Variants in CTNNA2 observed in about 807,000 individuals in gnomAD.
CTNNA2 encodes the protein catenin alpha 2, also known as catenin alpha-2.
A neutral mutation model predicts 101.0 loss-of-function variants in CTNNA2; 42 were observed. The ratio of observed to expected loss-of-function variants is 0.42; its 90% CI spans 0.32 to 0.54. The LOEUF (loss-of-function observed/expected upper bound fraction) is 0.54. Among genes scored for constraint, CTNNA2 ranks in the 20% least tolerant of loss-of-function variants. The pLI is 0.14. For synonymous variants in CTNNA2, 450 were observed against 456.4 expected, an observed-to-expected ratio of 0.99 and a Z score of 0.18; for missense variants, 871 against 1,223.1, an observed-to-expected ratio of 0.71 and a Z score of 4.29.
chr2:80,201,654 C>T (rs369468884), intron 7 of CTNNA2, among the ~76,000 whole-genome samples: 235 of 152,162 alleles, frequency 1.5e-3, no homozygotes, highest in African/African-American at 5.2e-3. Flanking sequence ...GGATTACAGG[C>T]GTGAGCCACC....
At chr2:80,064,858 G>A (rs1697863635) in intron 7 of CTNNA2, among the ~76,000 whole-genome samples, 1 of 152,200 alleles carries the variant, frequency 6.6e-6, no homozygotes, top group Non-Finnish European at 1.5e-5. Flanking sequence ...TTAATGGAAA[G>A]CATGGTAAAG....
intron 7 of CTNNA2, among the ~76,000 whole-genome samples, chr2:80,140,569 C>A (rs1303568960): frequency 1.3e-5 from 2 of 152,104 alleles, no homozygotes; most frequent in African/African-American, 4.8e-5. Context: ...TGCTCCAACC[C>A]CACCAGGAGG....
chr2:80,489,009 T>C (rs919524473), intron 9 of CTNNA2, among the ~76,000 whole-genome samples: 2 of 152,196 alleles, frequency 1.3e-5, no homozygotes, highest in South Asian at 4.1e-4. Context: ...GAAGGGCATT[T>C]ATGCAGAGTT....
At chr2:80,422,084 T>G (rs979547642) in intron 9 of CTNNA2, among the ~76,000 whole-genome samples, 3 of 152,208 alleles carry the variant, frequency 2.0e-5, no homozygotes, top group Non-Finnish European at 4.4e-5. Context: ...TAAAGACATA[T>G]CATATGCAAG....
intron 18 of CTNNA2, among the ~76,000 whole-genome samples, chr2:80,636,931 T>C (rs934203277): frequency 1.1e-4 from 17 of 152,186 alleles, no homozygotes; most frequent in African/African-American, 4.1e-4. Context: ...GATTCAGTAG[T>C]GCTAGAAAAG....
chr2:80,517,400 A>C (rs1473065536), intron 9 of CTNNA2, among the ~76,000 whole-genome samples: 1 of 152,194 alleles, frequency 6.6e-6, no homozygotes, highest in Non-Finnish European at 1.5e-5. Context: ...CTTCCCACCA[A>C]GAATTTGCCT....
At chr2:79,725,806 A>C (rs1379033633) in intron 2 of CTNNA2, among the ~76,000 whole-genome samples, 1 of 152,188 alleles carries the variant, frequency 6.6e-6, no homozygotes, top group Non-Finnish European at 1.5e-5. Context: ...GATCATTTAT[A>C]ATCCCTCTTT....
intron 7 of CTNNA2, among the ~76,000 whole-genome samples, chr2:80,155,143 G>GA (rs1703934371): frequency 6.6e-6 from 1 of 152,128 alleles, no homozygotes; most frequent in Admixed American, 6.5e-5. Flanking sequence ...TGCTTGAAGA[G>GA]AAAACCTAGG....
intron 3 of CTNNA2, among the ~76,000 whole-genome samples, chr2:79,826,172 TA>T (rs1678422277): frequency 6.6e-6 from 1 of 151,746 alleles, no homozygotes; most frequent in African/African-American, 2.4e-5. Context: ...CAATGTAAAA[TA>T]AAAAGAAAAA....
intron 7 of CTNNA2, among the ~76,000 whole-genome samples, chr2:80,297,339 T>G (rs1264610953): frequency 6.6e-6 from 1 of 152,178 alleles, no homozygotes; most frequent in Non-Finnish European, 1.5e-5. Flanking sequence ...ACTAGCTGGG[T>G]GACTTTGCAC....
At chr2:79,499,712 T>C (rs1350700902) in intron 4 of CTNNA2, among the ~76,000 whole-genome samples, 2 of 152,136 alleles carry the variant, frequency 1.3e-5, no homozygotes, top group African/African-American at 4.8e-5. Flanking sequence ...GACAAGCTTG[T>C]TCCTTTCTTA....
At chr2:79,996,349 T>C (rs1229700852) in intron 7 of CTNNA2, among the ~76,000 whole-genome samples, 1 of 152,160 alleles carries the variant, frequency 6.6e-6, no homozygotes, top group Non-Finnish European at 1.5e-5. Flanking sequence ...TGGCCTCCTC[T>C]CTATAAAGAA....
chr2:79,222,422 G>A (rs1674357101), intron 2 of CTNNA2, among the ~76,000 whole-genome samples: 1 of 152,196 alleles, frequency 6.6e-6, no homozygotes, highest in African/African-American at 2.4e-5. Context: ...CTGCTGCTGT[G>A]TGGTGCAGGG....
At chr2:79,344,886 T>TA (rs2104432660) in intron 3 of CTNNA2, among the ~76,000 whole-genome samples, 1 of 146,532 alleles carries the variant, frequency 6.8e-6, no homozygotes, top group South Asian at 2.1e-4. Flanking sequence ...ATATAATATA[T>TA]ATATAAAGTC....
At chr2:79,239,115 C>T (rs1674591992) in intron 2 of CTNNA2, among the ~76,000 whole-genome samples, 1 of 152,040 alleles carries the variant, frequency 6.6e-6, no homozygotes, top group Admixed American at 6.6e-5. Context: ...TTTCCTTCCT[C>T]CAACCTCATC....
chr2:79,672,644 A>T (rs922488720), intron 2 of CTNNA2, among the ~76,000 whole-genome samples: 1 of 152,076 alleles, frequency 6.6e-6, no homozygotes. Context: ...AAAATAAAAA[A>T]TAGGATAACT....
In CTNNA2 at chr2:80,338,823, C is replaced by T. The variant is rs111965051; in HGVS notation, c.1057-54388C>T. On this transcript the variant is annotated intron_variant, in intron 7 of 18. Coordinates refer to ENST00000402739, the MANE Select transcript of CTNNA2 (RefSeq NM_001282597.3). ...CTAGGCTTGTGATTAGAATTCCAGT[C>T]ACCAGGCAGGATAGGGGGACTCTAG... Among the ~76,000 whole-genome samples the T allele has an allele frequency of 2.3e-3, 355 of 152,300 alleles. 4 individuals are homozygous for T. The highest frequency in any genetic ancestry group is 4.0e-3 in the Non-Finnish European group (273 of 68,030).
At chr2:79,456,142 T>C (rs146632216) in intron 4 of CTNNA2, among the ~76,000 whole-genome samples, 125 of 150,910 alleles carry the variant, frequency 8.3e-4, no homozygotes, top group African/African-American at 3.0e-3. Context: ...TATAAAATTA[T>C]AATTTAAATT....
chr2:79,855,138 T>C (rs1681025550), intron 3 of CTNNA2, among the ~76,000 whole-genome samples: 2 of 152,196 alleles, frequency 1.3e-5, no homozygotes, highest in African/African-American at 2.4e-5. Flanking sequence ...TCTCAGAATT[T>C]AGTGTGAGTT....
Sources: allele counts gnomAD v4.1 joint callset (sites outside exome capture counted in the v4.1 genomes callset), GRCh38; gene constraint gnomAD v4.1.1; transcripts MANE v1.5; gene names NCBI Gene and HGNC (gene_info 2026-07-23, HGNC 2026-07-21).